The following TM2D3 variants were observed in gnomAD, a reference collection of about 807,000 sequenced individuals.
TM2D3 encodes the protein TM2 domain-containing protein 3.
TM2D3 carries 33 observed loss-of-function variants against 27.3 expected under a neutral mutation model. The ratio of observed to expected loss-of-function variants is 1.21; its 90% CI spans 0.92 to 1.61. The LOEUF (loss-of-function observed/expected upper bound fraction) is 1.61, where lower values mean the gene tolerates loss of function less well. Ranked by LOEUF, TM2D3 falls within the 40% of genes most tolerant of loss-of-function variation. The pLI is 0.00. For synonymous variants in TM2D3, 138 were observed against 122.2 expected (o/e 1.13, Z -0.85); for missense variants, 364 against 320.8 (o/e 1.13, Z -1.03).
chr15:101,643,133 T>A (rs479913), intron 5 of TM2D3, among the ~76,000 whole-genome samples: 78,824 of 151,898 alleles, frequency 0.52, 20,744 homozygotes, highest in African/African-American at 0.57. Flanking sequence ...ATACTGAAAC[T>A]ATATTATGGA....
At chr15:101,643,624 C>CAAAAA (rs978182591) in intron 5 of TM2D3, among the ~76,000 whole-genome samples, 3 of 96,326 alleles carry the variant, frequency 3.1e-5, no homozygotes, top group Admixed American at 1.4e-4. Context: ...AAAAAAAAAG[C>CAAAAA]AAAAAAAAAA....
In TM2D3 at chr15:101,651,796, T is replaced by TA. The variant is rs776855645; in HGVS notation, c.92-24dup. 7 of 1,612,578 alleles carry TA rather than the reference T, an allele frequency of 4.3e-6. No individual in the cohort carries two copies. The African/African-American group carries it at 9.3e-5, about 22-fold the overall frequency. ...GCTCTAAATTTAAGGATCGTACAATTAGAGAAACACGTTATCCCGGGACAA... is the reference window on the plus strand; with the variant it reads ...GCTCTAAATTTAAGGATCGTACAATTAAGAGAAACACGTTATCCCGGGACAA... On this transcript the variant is annotated intron_variant, in intron 1 of 5. Coordinates refer to ENST00000333202, the MANE Select transcript of TM2D3 (RefSeq NM_078474.3).
intron 3 of TM2D3, chr15:101,648,178 T>A (rs1896866926): frequency 6.6e-6 from 1 of 152,132 alleles, no homozygotes; most frequent in African/African-American, 2.4e-5. Context: ...ATTACAGGTG[T>A]AGGCCACCAC....
chr15:101,646,275 T>A (rs1896803077), intron 4 of TM2D3: 1 of 167,898 alleles, frequency 6.0e-6, no homozygotes. Flanking sequence ...TTCTAAAACA[T>A]GCATTATTGA....
chr15:101,647,806 T>C (rs993834689), intron 3 of TM2D3, among the ~76,000 whole-genome samples: 1 of 152,160 alleles, frequency 6.6e-6, no homozygotes, highest in Admixed American at 6.5e-5. Context: ...TACATTGCAG[T>C]GCATATTTTT....
chr15:101,647,016 G>T, intron 3 of TM2D3, 117 bp from the exon 4 acceptor site: 1 of 1,048,824 alleles, frequency 9.5e-7, no homozygotes, highest in Non-Finnish European at 1.4e-6. Flanking sequence ...TTAGGACCTA[G>T]GAGTAAGTGC....
intron 2 of TM2D3, chr15:101,651,367 G>A (rs1166920628): frequency 3.4e-6 from 1 of 294,068 alleles, no homozygotes; most frequent in African/African-American, 2.2e-5. Flanking sequence ...ATCAGGAACA[G>A]GGTTTTAGCA....
downstream of TM2D3, among the ~76,000 whole-genome samples, chr15:101,638,535 T>G (rs1596259721): frequency 6.6e-6 from 1 of 152,132 alleles, no homozygotes; most frequent in South Asian, 2.1e-4. Context: ...TAGCCTCAGG[T>G]GATCTGCCCG....
At position 101,652,332 on chromosome 15, in the gene TM2D3, G is replaced by A. The variant is rs1265432939; in HGVS notation, c.30C>T (p.Gly10=). 25 of 1,601,754 alleles carry A rather than the reference G, an allele frequency of 1.6e-5. No individual in the cohort carries two copies. The highest frequency in any genetic ancestry group is 1.9e-5 in the Non-Finnish European group (22 of 1,175,030). The change falls in exon 1 of 6, where the codon GGC becomes GGT. Residue 10 remains glycine, a synonymous_variant. Coordinates refer to ENST00000333202, the MANE Select transcript of TM2D3 (RefSeq NM_078474.3). ...GCAGCACGCGACACAAGGCGCGGAG[G>A]CCCCTCAGCGGGAGCACCCCTCCCG... The part of the protein sequence containing the change: MAGGVLPLR[G]LRALCRVLLF...
At chr15:101,640,406 T>C (rs1896640349), downstream of TM2D3, among the ~76,000 whole-genome samples, 1 of 152,220 alleles carries the variant, frequency 6.6e-6, no homozygotes, top group African/African-American at 2.4e-5. Context: ...CACCTTCATC[T>C]TGGACTTTCT....
chr15:101,642,172 T>C lies in TM2D3; in HGVS notation c.*307A>G. 3.9e-6 allele frequency: 4 copies of C among 1,033,552 alleles called. No homozygotes were observed. The highest frequency in any genetic ancestry group is 4.6e-6 in the Non-Finnish European group (4 of 861,826). 64.0% of individuals were successfully genotyped at this position (1,033,552 alleles called of 1,614,324 possible). On this transcript the variant is annotated 3_prime_UTR_variant, in exon 6 of 6. Transcript: ENST00000333202. Reference sequence around the variant, plus strand: ...ATTTGGGCTGGAGATACAAGTGATGTAGTTTGACTTGGGCAATACAAAACA... The same window carrying C: ...ATTTGGGCTGGAGATACAAGTGATGCAGTTTGACTTGGGCAATACAAAACA...
At chr15:101,641,698 T>C (rs1271365850), downstream of TM2D3, 1 of 193,484 alleles carries the variant, frequency 5.2e-6, no homozygotes, top group Non-Finnish European at 9.4e-6. Context: ...AAAACATTTA[T>C]ATATTTCCAC....
intron 1 of TM2D3, 157 bp from the exon 2 acceptor site, chr15:101,651,930 A>T: frequency 1.4e-6 from 1 of 736,564 alleles, no homozygotes. Flanking sequence ...TAGGGACGAA[A>T]CGTCAACAGA....
chr15:101,650,843 T>C (rs952845249), intron 2 of TM2D3, among the ~76,000 whole-genome samples: 8 of 152,234 alleles, frequency 5.3e-5, no homozygotes, highest in African/African-American at 1.9e-4. Flanking sequence ...AAATTGCAAG[T>C]ATTCCTGAAA....
Sources: allele counts gnomAD v4.1 joint callset (sites outside exome capture counted in the v4.1 genomes callset), GRCh38; gene constraint gnomAD v4.1.1; transcripts MANE v1.5; gene names NCBI Gene and HGNC (gene_info 2026-07-23, HGNC 2026-07-21).